The following ZBED6 variants were observed in gnomAD, a reference collection of about 807,000 sequenced individuals.
The protein encoded by ZBED6 is zinc finger BED domain-containing protein 6.
Under a neutral mutation model 58.4 loss-of-function variants are expected in ZBED6, and 40 were observed. The ratio of observed to expected loss-of-function variants is 0.68; its 90% CI spans 0.53 to 0.89. ZBED6 has a LOEUF of 0.89. Among genes scored for constraint, ZBED6 ranks in the 40% least tolerant of loss-of-function variants. The pLI is 0.00. For missense variants in ZBED6, 1,057 were observed against 1,003.9 expected (o/e 1.05, Z -0.71); for synonymous variants, 439 against 350.6 (o/e 1.25, Z -2.82).
chr1:203,818,511 ATAT>A, intron 2 of ZBED6, 56 bp from the exon 3 acceptor site: 1 of 1,607,686 alleles, frequency 6.2e-7, no homozygotes, highest in Non-Finnish European at 8.5e-7. Flanking sequence ...CTTGTTATGG[ATAT>A]TTTACCTAGG....
intron 14 of ZBED6, 147 bp downstream of exon 14, chr1:203,850,173 A>C: frequency 1.4e-6 from 1 of 731,932 alleles, no homozygotes; most frequent in South Asian, 1.9e-5. Flanking sequence ...TGATATTTTT[A>C]TACAGAGGCA....
At chr1:203,808,422 G>T (rs932737811) in intron 1 of ZBED6, among the ~76,000 whole-genome samples, 1 of 152,298 alleles carries the variant, frequency 6.6e-6, no homozygotes. Context: ...GTATAGCAGA[G>T]ATGTCTTTAA....
intron 11 of ZBED6, among the ~76,000 whole-genome samples, chr1:203,845,236 ATTTTAT>A (rs1687569813): frequency 6.6e-6 from 1 of 152,034 alleles, no homozygotes; most frequent in African/African-American, 2.4e-5. Context: ...GTGTGGATTT[ATTTTAT>A]TTTTAATGTT....
At chr1:203,798,629 T>C in exon 1 of ZBED6, 1 of 1,536,146 alleles carries the variant, frequency 6.5e-7, no homozygotes. Flanking sequence ...CTGATTCAGA[T>C]GAACCTATGT....
At chr1:203,803,676 G>C (rs948023430) in intron 1 of ZBED6, among the ~76,000 whole-genome samples, 23 of 151,920 alleles carry the variant, frequency 1.5e-4, no homozygotes, top group African/African-American at 5.1e-4. Flanking sequence ...CATGATCATA[G>C]CTCACTGCAA....
chr1:203,804,536 T>A (rs1473943233), intron 1 of ZBED6, among the ~76,000 whole-genome samples: 1 of 152,166 alleles, frequency 6.6e-6, no homozygotes, highest in Non-Finnish European at 1.5e-5. Context: ...TCTGAATGAT[T>A]ATTGCTGGTA....
rs1572376216 is a variant in ZBED6, at chr1:203,849,833, G to T, written c.*4445G>T. 9 of 1,614,020 alleles carry T rather than the reference G, an allele frequency of 5.6e-6. No individual in the cohort carries two copies. The African/African-American group carries it at 6.7e-5, about 12-fold the overall frequency. ...AAAAATCAGTCTTGACACCTCTTCG[G>T]GGAGATGTAGCCTCTTGCAATACCC... On this transcript the variant is annotated 3_prime_UTR_variant, in exon 14 of 17. Coordinates refer to ENST00000550078, the Ensembl canonical transcript of ZBED6.
intron 1 of ZBED6, among the ~76,000 whole-genome samples, chr1:203,811,090 G>A (rs1480540989): frequency 6.6e-6 from 1 of 150,686 alleles, no homozygotes; most frequent in African/African-American, 2.4e-5. Flanking sequence ...GCAATGAGCC[G>A]AGATTGCGCC....
At chr1:203,843,230 T>G (rs1686966936) in intron 11 of ZBED6, among the ~76,000 whole-genome samples, 2 of 152,166 alleles carry the variant, frequency 1.3e-5, no homozygotes, top group African/African-American at 4.8e-5. Context: ...AAATCAGTAT[T>G]TATGATAATC....
In ZBED6 at chr1:203,829,914, T is replaced by G. The variant is rs555436516; in HGVS notation, c.*3318+18T>G. On this transcript the variant is annotated intron_variant, in intron 6 of 16. Coordinates refer to ENST00000550078, the Ensembl canonical transcript of ZBED6. ...AAAGCAAGGTAAGAAGAGGCTAGAT[T>G]GGTGCCTCTTATAGCACTGTTGAAA... 1 of 1,603,138 alleles carries G rather than the reference T, an allele frequency of 6.2e-7. No homozygotes were observed. Among genetic ancestry groups the G allele is most frequent in the African/African-American group, 1.3e-5 (1 of 74,808 alleles).
intron 1 of ZBED6, among the ~76,000 whole-genome samples, chr1:203,809,697 T>C (rs1203184196): frequency 6.6e-6 from 1 of 152,186 alleles, no homozygotes; most frequent in East Asian, 1.9e-4. Context: ...CTCACGGCTG[T>C]AATCCTAGCA....
intron 3 of ZBED6, 21 bp from the exon 4 acceptor site, chr1:203,828,278 A>G (rs1681214979): frequency 2.5e-6 from 4 of 1,613,828 alleles, no homozygotes; most frequent in African/African-American, 2.7e-5. Flanking sequence ...TTTGAAAGCA[A>G]TGTGTTTTTC....
intron 9 of ZBED6, among the ~76,000 whole-genome samples, chr1:203,834,995 G>C (rs925677661): frequency 6.6e-6 from 1 of 152,132 alleles, no homozygotes; most frequent in African/African-American, 2.4e-5. Context: ...TCTTCATACT[G>C]TTTTAAATGT....
At chr1:203,799,768 T>C in exon 1 of ZBED6, 2 of 962,140 alleles carry the variant, frequency 2.1e-6, no homozygotes, top group South Asian at 1.4e-5. Flanking sequence ...TCTCTGAAAC[T>C]TGAAACAGAT....
At chr1:203,848,567 T>C (rs527672056) in intron 13 of ZBED6, among the ~76,000 whole-genome samples, 160 bp downstream of exon 13, 2 of 152,222 alleles carry the variant, frequency 1.3e-5, no homozygotes, top group Non-Finnish European at 2.9e-5. Context: ...TGTAGTTCTA[T>C]GTATATCAGT....
rs533356560 is a variant in ZBED6, at chr1:203,841,162, T to A, written c.*3741+788T>A. On this transcript the variant is annotated intron_variant, in intron 11 of 16. Transcript: ENST00000550078. ...AGAATCTTTTTTTTTTTTTTATTTT[T>A]TTTTTTAGTATTTATTGATCATTCT... Among the ~76,000 whole-genome samples the A allele has an allele frequency of 1.0e-3, 154 of 151,918 alleles. 1 individual carries two copies. Among genetic ancestry groups the A allele is most frequent in the South Asian group, 4.8e-3 (23 of 4,804 alleles).
intron 1 of ZBED6, among the ~76,000 whole-genome samples, chr1:203,809,943 A>T (rs1443305479): frequency 6.6e-6 from 1 of 152,152 alleles, no homozygotes; most frequent in Non-Finnish European, 1.5e-5. Context: ...CAACAGAGCG[A>T]GACTCTCTCA....
At chr1:203,826,983 A>G (rs1056970356) in intron 3 of ZBED6, among the ~76,000 whole-genome samples, 3 of 152,154 alleles carry the variant, frequency 2.0e-5, no homozygotes, top group Non-Finnish European at 4.4e-5. Flanking sequence ...CACATCCCCA[A>G]AGCTGATCAG....
At chr1:203,849,104 C>G (rs370938762) in intron 13 of ZBED6, among the ~76,000 whole-genome samples, 7 of 152,192 alleles carry the variant, frequency 4.6e-5, no homozygotes, top group Admixed American at 2.0e-4. Context: ...AGAGTGGTCT[C>G]GAACTTCTGG....
Sources: allele counts gnomAD v4.1 joint callset (sites outside exome capture counted in the v4.1 genomes callset), GRCh38; gene constraint gnomAD v4.1.1; transcripts MANE v1.5; gene names NCBI Gene and HGNC (gene_info 2026-07-23, HGNC 2026-07-21).